MICAL3: variants seen among roughly 807,000 people sequenced by gnomAD.
MICAL3 encodes the protein microtubule associated monooxygenase, calponin and LIM domain containing 3.
Under a neutral mutation model 207.4 loss-of-function variants are expected in MICAL3, and 62 were observed. The observed-to-expected ratio is 0.30, with a 90% CI of 0.24 to 0.37. The LOEUF is 0.37. Among genes scored for constraint, MICAL3 ranks in the 10% least tolerant of loss-of-function variants. The pLI is 1.00. For missense variants in MICAL3, 2,368 were observed against 2,635.6 expected, an observed-to-expected ratio of 0.90 and a Z score of 2.22; for synonymous variants, 1,077 against 1,069.3, an observed-to-expected ratio of 1.01 and a Z score of -0.14.
At chr22:17,868,473 C>G (rs553438298) in intron 17 of MICAL3, among the ~76,000 whole-genome samples, 1 of 152,186 alleles carries the variant, frequency 6.6e-6, no homozygotes. Context: ...AACAGGAGGC[C>G]GAGTGACCTG....
At chr22:17,909,677 A>G (rs1931987385) in intron 1 of MICAL3, among the ~76,000 whole-genome samples, 1 of 152,250 alleles carries the variant, frequency 6.6e-6, no homozygotes, top group Non-Finnish European at 1.5e-5. Context: ...GCAGCAAGAG[A>G]AATACTTTAC....
chr22:17,842,332 C>T (rs1924104670), intron 19 of MICAL3: 1 of 317,048 alleles, frequency 3.2e-6, no homozygotes, highest in African/African-American at 2.1e-5. Context: ...GGGTGTGGGC[C>T]AGACCGCAGG....
chr22:17,973,341 C>T (rs1210465023), intron 1 of MICAL3, among the ~76,000 whole-genome samples: 8 of 152,194 alleles, frequency 5.3e-5, no homozygotes, highest in Non-Finnish European at 1.0e-4. Context: ...GAGAAACTTT[C>T]TACCAGTCTG....
intron 22 of MICAL3, among the ~76,000 whole-genome samples, chr22:17,825,099 C>T (rs368439128): frequency 2.1e-4 from 32 of 152,304 alleles, no homozygotes; most frequent in African/African-American, 7.5e-4. Flanking sequence ...CAGCCAGGCA[C>T]AGCCCAGGGC....
chr22:17,805,895 A>C (rs1569072051), intron 29 of MICAL3, among the ~76,000 whole-genome samples: 1 of 152,088 alleles, frequency 6.6e-6, no homozygotes, highest in Non-Finnish European at 1.5e-5. Flanking sequence ...TGCCAGGCTA[A>C]TTTTTTGTAT....
In MICAL3 at chr22:17,896,838, G is replaced by A. The variant is rs958156509; in HGVS notation, c.1092C>T (p.Pro364=). ...LDFAINHYGQ[P]DVAMFDFTCM... ...AAGTGAAGTCAAACATGGCCACATCGGGCTGCCCATAGTGATTGATGGCAA... is the reference window on the plus strand; with the variant it reads ...AAGTGAAGTCAAACATGGCCACATCAGGCTGCCCATAGTGATTGATGGCAA... The change falls in exon 8 of 32, where the codon CCC becomes CCT. Residue 364 remains proline, a synonymous_variant. Transcript: ENST00000441493. 1.1e-5 allele frequency: 17 copies of A among 1,614,014 alleles called. No individual in the cohort carries two copies. The highest frequency in any genetic ancestry group is 6.7e-5 in the Admixed American group (4 of 60,004).
chr22:17,866,641 AATAGAATAGAATAGAATAGAATAGAAT>A (rs1413126590), intron 17 of MICAL3, among the ~76,000 whole-genome samples: 1 of 152,084 alleles, frequency 6.6e-6, no homozygotes, highest in Non-Finnish European at 1.5e-5. Flanking sequence ...AATAGAATAG[AATAGAATAGAATAGAATAGAATAGAAT>A]ATAGAATAGA....
At chr22:17,849,523 CG>C (rs1164929911) in intron 19 of MICAL3, among the ~76,000 whole-genome samples, 1 of 149,970 alleles carries the variant, frequency 6.7e-6, no homozygotes, top group Non-Finnish European at 1.5e-5. Context: ...TTTTTAGAAA[CG>C]GGGTCTTGCT....
intron 1 of MICAL3, among the ~76,000 whole-genome samples, chr22:17,997,050 CTTTTTTTTTT>C (rs71716810): frequency 7.9e-5 from 6 of 75,488 alleles, no homozygotes; most frequent in African/African-American, 3.4e-4. Flanking sequence ...CCCATCTAGT[CTTTTTTTTTT>C]TTTTTTTTTT....
intron 21 of MICAL3, among the ~76,000 whole-genome samples, chr22:17,831,339 C>T (rs1226980129): frequency 6.6e-6 from 1 of 152,162 alleles, no homozygotes; most frequent in Non-Finnish European, 1.5e-5. Flanking sequence ...TATTTCAGAA[C>T]CAGCCAGAGT....
At chr22:17,852,891 A>G (rs905896023) in intron 19 of MICAL3, among the ~76,000 whole-genome samples, 3 of 152,154 alleles carry the variant, frequency 2.0e-5, no homozygotes, top group African/African-American at 7.2e-5. Flanking sequence ...CCTAGCTGAC[A>G]TGGTGAAACC....
chr22:17,911,843 A>G (rs565727983), intron 1 of MICAL3, among the ~76,000 whole-genome samples: 6 of 88,234 alleles, frequency 6.8e-5, no homozygotes, highest in Non-Finnish European at 1.2e-4. Context: ...AAAACCAAAA[A>G]AAGAAAAAAG....
At chr22:18,023,706 G>A (rs1324180478) in intron 1 of MICAL3, among the ~76,000 whole-genome samples, 1 of 152,254 alleles carries the variant, frequency 6.6e-6, no homozygotes, top group African/African-American at 2.4e-5. Flanking sequence ...GCGCCCTGCA[G>A]CCTGGGAGCG....
rs1931755234 is a variant in MICAL3, at chr22:17,906,829, C to T, written c.-17G>A. On this transcript the variant is annotated 5_prime_UTR_variant, in exon 2 of 32. Transcript: ENST00000441493. ...CTCCTCCATGCTGCCTCACTCTCAG[C>T]ACTCCCCAGAGGGGGAGGTGGGATG... 6.3e-6 allele frequency: 10 copies of T among 1,578,974 alleles called. No homozygotes were observed. The East Asian group carries it at 2.2e-4, about 36-fold the overall frequency.
At chr22:17,876,804 G>A (rs1341718376) in intron 16 of MICAL3, 2 of 111,720 alleles carry the variant, frequency 1.8e-5, no homozygotes, top group African/African-American at 6.8e-5. Context: ...GGAAGTTATG[G>A]AGGTTAGGGA....
intron 1 of MICAL3, among the ~76,000 whole-genome samples, chr22:17,979,906 C>T (rs1317803312): frequency 6.6e-6 from 1 of 152,182 alleles, no homozygotes; most frequent in Non-Finnish European, 1.5e-5. Context: ...TGGTTCACTA[C>T]AGCCTTGACC....
intron 21 of MICAL3, among the ~76,000 whole-genome samples, chr22:17,830,886 C>A (rs964145636): frequency 6.6e-6 from 1 of 152,234 alleles, no homozygotes; most frequent in African/African-American, 2.4e-5. Context: ...TGGAGCTGCA[C>A]AGCTCCCAGG....
chr22:17,929,235 A>G (rs933902004), intron 1 of MICAL3, among the ~76,000 whole-genome samples: 4 of 150,302 alleles, frequency 2.7e-5, no homozygotes, highest in African/African-American at 9.8e-5. Flanking sequence ...AGTAGATGGA[A>G]CTACAGATGT....
chr22:17,993,468 A>G (rs1921921448), intron 1 of MICAL3, among the ~76,000 whole-genome samples: 1 of 152,028 alleles, frequency 6.6e-6, no homozygotes, highest in African/African-American at 2.4e-5. Flanking sequence ...AATCATCACA[A>G]AGGAGTTTAG....
Sources: gnomAD v4.1 joint callset for allele counts (sites outside exome capture counted in the v4.1 genomes callset) on GRCh38, gnomAD v4.1.1 for gene constraint, MANE v1.5 for transcripts, NCBI Gene and HGNC (gene_info 2026-07-23, HGNC 2026-07-21) for gene names.